Variants in AKAP19 observed in about 807,000 individuals in gnomAD.
AKAP19 encodes small A-kinase anchoring protein.
the AKAP19 span, among the ~76,000 whole-genome samples, chr2:189,902,954 G>GA: frequency 0.032 from 4,772 of 148,902 alleles, 123 homozygotes; most frequent in Admixed American, 0.056. Context: ...AACTACAGAG[G>GA]AAAAAAAAAC....
the AKAP19 span, among the ~76,000 whole-genome samples, chr2:190,032,624 C>A: frequency 6.6e-6 from 1 of 152,058 alleles, no homozygotes; most frequent in East Asian, 1.9e-4. Flanking sequence ...AAAGTGTGTT[C>A]GGTCCTGTTC....
chr2:190,166,870 A>G, the AKAP19 span, among the ~76,000 whole-genome samples: 2 of 152,102 alleles, frequency 1.3e-5, no homozygotes, highest in African/African-American at 4.8e-5. Context: ...ACTGCTATTC[A>G]ATTATAGCCA....
chr2:189,948,727 A>T, the AKAP19 span, among the ~76,000 whole-genome samples: 2 of 152,188 alleles, frequency 1.3e-5, no homozygotes, highest in African/African-American at 4.8e-5. Flanking sequence ...ACATGTCAAC[A>T]TATATATAGC....
chr2:190,157,367 TAC>T, the AKAP19 span, among the ~76,000 whole-genome samples: 4 of 150,196 alleles, frequency 2.7e-5, no homozygotes, highest in African/African-American at 9.8e-5. Context: ...TAAACTTGTA[TAC>T]ACACACACAC....
At chr2:190,026,695 A>G in the AKAP19 span, among the ~76,000 whole-genome samples, 1 of 152,228 alleles carries the variant, frequency 6.6e-6, no homozygotes, top group Admixed American at 6.5e-5. Flanking sequence ...AGTCTGAGAA[A>G]CATCATTTTC....
chr2:190,190,197 A>C, the AKAP19 span, among the ~76,000 whole-genome samples: 2 of 152,194 alleles, frequency 1.3e-5, no homozygotes, highest in African/African-American at 4.8e-5. Context: ...ATAGCCTAGA[A>C]AGTTATTTCA....
the AKAP19 span, among the ~76,000 whole-genome samples, chr2:190,115,358 C>T: frequency 2.3e-5 from 2 of 88,680 alleles, no homozygotes; most frequent in African/African-American, 4.6e-5. Flanking sequence ...CTCGCTCTGT[C>T]GCCCAGGCTG....
chr2:189,952,249 T>C, the AKAP19 span, among the ~76,000 whole-genome samples: 1 of 152,212 alleles, frequency 6.6e-6, no homozygotes, highest in African/African-American at 2.4e-5. Context: ...CTCTGTCTTA[T>C]GTTAGTTTAA....
the AKAP19 span, among the ~76,000 whole-genome samples, chr2:190,095,163 A>C: frequency 1.3e-5 from 2 of 152,212 alleles, no homozygotes; most frequent in Non-Finnish European, 2.9e-5. Flanking sequence ...CGGAGGTTAC[A>C]GTGAGCCAAG....
chr2:189,912,896 A>G, the AKAP19 span, among the ~76,000 whole-genome samples: 5 of 152,296 alleles, frequency 3.3e-5, no homozygotes, highest in South Asian at 1.0e-3. Context: ...TTGATTTCCA[A>G]AAGGACCAGA....
the AKAP19 span, among the ~76,000 whole-genome samples, chr2:189,988,224 C>T: frequency 6.6e-6 from 1 of 152,148 alleles, no homozygotes; most frequent in South Asian, 2.1e-4. Context: ...ATGTTACCTT[C>T]AAGAAAAGCC....
At chr2:190,110,681 TTTA>T in the AKAP19 span, among the ~76,000 whole-genome samples, 1 of 152,240 alleles carries the variant, frequency 6.6e-6, no homozygotes, top group Non-Finnish European at 1.5e-5. Context: ...AACATCACTA[TTTA>T]TTATCACAGA....
chr2:190,134,157 A>G, the AKAP19 span, among the ~76,000 whole-genome samples: 86,770 of 151,912 alleles, frequency 0.57, 25,457 homozygotes, highest in Middle Eastern at 0.68. Context: ...AGAGTGTACA[A>G]ATGAAACCCA....
the AKAP19 span, among the ~76,000 whole-genome samples, chr2:189,950,334 GT>G: frequency 7.3e-6 from 1 of 137,538 alleles, no homozygotes; most frequent in Non-Finnish European, 1.5e-5. Flanking sequence ...AGCCTTTTTT[GT>G]TTTTTTTTTT....
chr2:190,188,799 CTTACTT>C, the AKAP19 span, among the ~76,000 whole-genome samples: 1 of 152,036 alleles, frequency 6.6e-6, no homozygotes, highest in Non-Finnish European at 1.5e-5. Flanking sequence ...CCTCTTGGCT[CTTACTT>C]TAAGGATGAT....
chr2:190,197,738 A>G, the AKAP19 span, among the ~76,000 whole-genome samples: 1 of 152,216 alleles, frequency 6.6e-6, no homozygotes, highest in Non-Finnish European at 1.5e-5. The surrounding 1 kb of genome is among the most constrained non-coding windows in gnomAD (Gnocchi z 4.0). Flanking sequence ...ATGGCAACAT[A>G]TATTTTGTCT....
the AKAP19 span, among the ~76,000 whole-genome samples, chr2:190,192,685 T>A: frequency 1.3e-5 from 2 of 152,140 alleles, no homozygotes; most frequent in Non-Finnish European, 2.9e-5. Context: ...TTACTTTTTC[T>A]CAGTAACATT....
the AKAP19 span, among the ~76,000 whole-genome samples, chr2:190,096,431 C>T: frequency 9.8e-5 from 15 of 152,306 alleles, no homozygotes; most frequent in African/African-American, 2.2e-4. Context: ...TTCTGACTAA[C>T]GTAACACACA....
At chr2:190,057,258 T>C in the AKAP19 span, 2 of 1,613,102 alleles carry the variant, frequency 1.2e-6, no homozygotes, top group Non-Finnish European at 1.7e-6. Context: ...AATATAAATC[T>C]CATGAGCACC....
Sources: gnomAD v4.1 joint callset for allele counts (sites outside exome capture counted in the v4.1 genomes callset) on GRCh38, gnomAD v4.1.1 for gene constraint, Gnocchi (gnomAD v3.1) non-coding constraint, MANE v1.5 for transcripts, NCBI Gene and HGNC (gene_info 2026-07-23, HGNC 2026-07-21) for gene names.